Variants in PCNT observed in about 807,000 individuals in gnomAD.
The protein encoded by PCNT is pericentrin.
In PCNT, 319 loss-of-function variants were observed where a neutral mutation model predicts 380.4. The ratio of observed to expected loss-of-function variants is 0.84; its 90% CI spans 0.77 to 0.92. The LOEUF is 0.92. PCNT is among the 40% of genes least tolerant of loss of function. PCNT has a pLI of 0.00. For synonymous variants in PCNT, 1,845 were observed against 1,735.2 expected (o/e 1.06, Z -1.57); for missense variants, 4,400 against 4,255.3 (o/e 1.03, Z -0.95).
rs547326997 is a variant in PCNT, at chr21:46,431,540, G to A, written c.8076G>A (p.Ala2692=). ...QSAKALEELR[A]SLETQRAQSS... The stretch of plus-strand genomic sequence containing the variant: ...TGTTTGCTGTCTAGGAGCTGCGGGC[G>A]TCTTTGGAGACACAGCGTGCTCAGA... Residue 2692 remains alanine, a synonymous_variant, in exon 38 of 47, where the codon GCG becomes GCA. Transcript: ENST00000359568. 3.2e-5 allele frequency: 52 copies of A among 1,614,056 alleles called. No homozygotes were observed. The South Asian group carries it at 3.7e-4, about 12-fold the overall frequency.
intron 8 of PCNT, among the ~76,000 whole-genome samples, chr21:46,350,933 T>A (rs2084244081): frequency 6.6e-6 from 1 of 152,226 alleles, no homozygotes; most frequent in African/African-American, 2.4e-5. Flanking sequence ...TGCGCTGGGC[T>A]GGGCTCTTGC....
In PCNT at chr21:46,431,983, GTGCCACACTGAAGTCGACGGTGGAAGCCC is replaced by G; in HGVS notation, c.8523_8551del (p.Thr2842HisfsTer76). ...GCGCTCAGGAGAGAGAAGGAGGTAA[GTGCCACACTGAAGTCGACGGTGGAAGCCC>G]TGCACACCCAAAAACGAGAGCTGAG... On this transcript the variant is annotated frameshift_variant, in exon 38 of 47. Transcript: ENST00000359568. LOFTEE classifies it high-confidence loss of function. 1 of 1,614,008 alleles carries G rather than the reference GTGCCACACTGAAGTCGACGGTGGAAGCCC, an allele frequency of 6.2e-7. No individual in the cohort carries two copies. The highest frequency in any genetic ancestry group is 8.5e-7 in the Non-Finnish European group (1 of 1,180,048).
At chr21:46,399,504 CTG>C in intron 24 of PCNT, 84 bp from the exon 25 acceptor site, 1 of 994,662 alleles carries the variant, frequency 1.0e-6, no homozygotes, top group East Asian at 2.5e-5. Flanking sequence ...TATTTTGTCT[CTG>C]TTGTTTTGGG....
chr21:46,391,034 G>A, intron 20 of PCNT, 130 bp from the exon 21 acceptor site: 2 of 1,114,440 alleles, frequency 1.8e-6, no homozygotes, highest in Non-Finnish European at 2.7e-6. Context: ...GCCTACACCT[G>A]GGTCCTGGAA....
At position 46,405,723 on chromosome 21, in the gene PCNT, T is replaced by C. The variant is rs146412354; in HGVS notation, c.5115+3240T>C. Among the ~76,000 whole-genome samples the C allele has an allele frequency of 5.3e-5, 8 of 152,296 alleles. No individual in the cohort carries two copies. In the East Asian group the frequency reaches 9.6e-4, roughly 18 times the overall value. On this transcript the variant is annotated intron_variant, in intron 27 of 46. Coordinates refer to ENST00000359568, the MANE Select transcript of PCNT (RefSeq NM_006031.6). ...AAAAAAAGAATGCCTTTAAAAACCA[T>C]TGATTACTTTTCAGAAGAAGTTGTA...
At chr21:46,402,185 T>C (rs1162824707) in intron 26 of PCNT, 146 bp from the exon 27 acceptor site, 4 of 579,248 alleles carry the variant, frequency 6.9e-6, no homozygotes, top group Non-Finnish European at 1.2e-5. Flanking sequence ...TTTTACCATT[T>C]GTGTGCGGGT....
chr21:46,353,457 TC>T, intron 10 of PCNT, 131 bp downstream of exon 10: 1 of 815,800 alleles, frequency 1.2e-6, no homozygotes, highest in Non-Finnish European at 2.1e-6. Flanking sequence ...CATTTTATGG[TC>T]CAGATTTAAA....
chr21:46,361,538 G>T (rs564425450), intron 13 of PCNT, among the ~76,000 whole-genome samples: 36 of 152,298 alleles, frequency 2.4e-4, no homozygotes, highest in African/African-American at 8.2e-4. Context: ...CTTCTGTGCT[G>T]CAGTTTTCAT....
At position 46,411,979 on chromosome 21, in the gene PCNT, G is replaced by T. The variant is rs904352377; in HGVS notation, c.5906G>T (p.Arg1969Leu). 2.5e-6 allele frequency: 4 copies of T among 1,603,286 alleles called. No individual in the cohort carries two copies. Among genetic ancestry groups the T allele is most frequent in the Non-Finnish European group, 2.5e-6 (3 of 1,179,746 alleles). The change falls in exon 28 of 47, where the codon CGC becomes CTC. Residue 1969 changes from arginine (R) to leucine (L), a missense_variant. Coordinates refer to ENST00000359568, the MANE Select transcript of PCNT (RefSeq NM_006031.6). ...GTGCCCGGGGCCCACCCACAGCCTC[G>T]CATGGATGGTGGCGCCAAGGCCCAG... is the stretch of plus-strand genomic sequence containing the variant. Reference protein sequence around the residue: ...TRVPGAHPQPRMDGGAKAQVT... With the variant: ...TRVPGAHPQPLMDGGAKAQVT...
chr21:46,424,334 ACTG>A (rs1307257562), intron 32 of PCNT, among the ~76,000 whole-genome samples: 1 of 152,194 alleles, frequency 6.6e-6, no homozygotes, highest in Non-Finnish European at 1.5e-5. Flanking sequence ...CACCACCACC[ACTG>A]CTGACAGGCA....
intron 30 of PCNT, among the ~76,000 whole-genome samples, chr21:46,417,570 CAT>C (rs777719737): frequency 3.3e-5 from 5 of 152,084 alleles, no homozygotes; most frequent in South Asian, 2.1e-4. Context: ...TTATTTCTAA[CAT>C]AATCATTTTG....
At chr21:46,338,949 T>A (rs2083837162) in intron 3 of PCNT, among the ~76,000 whole-genome samples, 2 of 152,178 alleles carry the variant, frequency 1.3e-5, no homozygotes, top group African/African-American at 4.8e-5. Context: ...ACTTGGCTAA[T>A]TTTTGTATTT....
intron 8 of PCNT, among the ~76,000 whole-genome samples, chr21:46,350,596 G>A (rs1043490489): frequency 6.6e-6 from 1 of 152,222 alleles, no homozygotes. Flanking sequence ...TAATCGTGGT[G>A]TGTGAAAGAT....
intron 26 of PCNT, 95 bp downstream of exon 26, chr21:46,401,816 T>A: frequency 8.7e-7 from 1 of 1,144,262 alleles, no homozygotes; most frequent in Non-Finnish European, 1.3e-6. Context: ...ACACAGGCGA[T>A]GGGCTTGTGA....
At chr21:46,439,493 C>T (rs182218453) in intron 41 of PCNT, among the ~76,000 whole-genome samples, 34 of 152,334 alleles carry the variant, frequency 2.2e-4, no homozygotes, top group African/African-American at 7.9e-4. Context: ...AACCTGTGCA[C>T]GTCCTCCCGT....
chr21:46,424,040 G>A (rs960990544), intron 32 of PCNT, among the ~76,000 whole-genome samples: 1 of 152,144 alleles, frequency 6.6e-6, no homozygotes, highest in African/African-American at 2.4e-5. Context: ...CCACACTGAC[G>A]CCGCAGTGGG....
intron 14 of PCNT, among the ~76,000 whole-genome samples, chr21:46,365,690 C>CAA (rs2084896801): frequency 6.8e-6 from 1 of 147,164 alleles, no homozygotes; most frequent in African/African-American, 2.5e-5. Flanking sequence ...CCATGGGGTT[C>CAA]TCCTCACTGC....
chr21:46,379,309 G>C (rs889666549), intron 15 of PCNT, among the ~76,000 whole-genome samples: 1 of 151,854 alleles, frequency 6.6e-6, no homozygotes, highest in Non-Finnish European at 1.5e-5. Context: ...GCCGCGTGTC[G>C]TGAGCCGCAC....
rs2085915009 is a variant in PCNT at position 46,388,390 on chromosome 21, G to GGCGGAGCCT, written c.3465-350_3465-342dup. Among the ~76,000 whole-genome samples, 7 of 152,208 alleles carry GGCGGAGCCT rather than the reference G, an allele frequency of 4.6e-5. No individual in the cohort carries two copies. ...GGTGCACCCTGTGCTCCAGGGGAGG[G>GGCGGAGCCT]GCGGAGCCTGTGTGCTGCTCCCGGG... is the stretch of plus-strand genomic sequence containing the variant. On this transcript the variant is annotated intron_variant, in intron 17 of 46. Transcript: ENST00000359568. The surrounding 1 kb of genome is among the most constrained non-coding windows in gnomAD (Gnocchi z 4.2).
Sources: allele counts gnomAD v4.1 joint callset (sites outside exome capture counted in the v4.1 genomes callset), GRCh38; gene constraint gnomAD v4.1.1; non-coding constraint Gnocchi (gnomAD v3.1); transcripts MANE v1.5; gene names NCBI Gene and HGNC (gene_info 2026-07-23, HGNC 2026-07-21).